The following TRIM5 variants were observed in gnomAD, a reference collection of about 807,000 sequenced individuals.
The protein encoded by TRIM5 is tripartite motif-containing protein 5.
Under a neutral mutation model 35.6 loss-of-function variants are expected in TRIM5, and 31 were observed. That is an observed-to-expected ratio of 0.87 (90% CI 0.65 to 1.18). The LOEUF (loss-of-function observed/expected upper bound fraction) is 1.18, where lower values mean the gene tolerates loss of function less well. Ranked by LOEUF, TRIM5 falls within the 50% of genes most tolerant of loss-of-function variation. The pLI is 0.00. For missense variants in TRIM5, 609 were observed against 591.6 expected, an observed-to-expected ratio of 1.03 and a Z score of -0.31; for synonymous variants, 243 against 215.6, an observed-to-expected ratio of 1.13 and a Z score of -1.11.
At chr11:5,661,907 G>C (rs1850841189), downstream of TRIM5, among the ~76,000 whole-genome samples, 1 of 152,212 alleles carries the variant, frequency 6.6e-6, no homozygotes, top group Non-Finnish European at 1.5e-5. Context: ...TTGTGTAACT[G>C]GGTACTTCAT....
chr11:5,643,897 A>G, the TRIM5 span: 4 of 773,090 alleles, frequency 5.2e-6, no homozygotes, highest in South Asian at 9.2e-5. Context: ...TCTTTTTCAT[A>G]TTTTCAGAGA....
chr11:5,641,458 C>G, the TRIM5 span, among the ~76,000 whole-genome samples: 1 of 152,154 alleles, frequency 6.6e-6, no homozygotes, highest in African/African-American at 2.4e-5. Flanking sequence ...TGTCAGACTT[C>G]GGTGACTTCA....
chr11:5,599,428 G>T, the TRIM5 span, among the ~76,000 whole-genome samples: 1 of 119,988 alleles, frequency 8.3e-6, no homozygotes, highest in Non-Finnish European at 1.8e-5. Context: ...TTTTGAGACG[G>T]AGTCTCGCTC....
intron 1 of TRIM5, among the ~76,000 whole-genome samples, chr11:5,683,623 T>C (rs1852732224): frequency 6.6e-6 from 1 of 152,200 alleles, no homozygotes; most frequent in Non-Finnish European, 1.5e-5. Context: ...GGTTTGTGAA[T>C]GCACCAATCG....
chr11:5,665,295 T>A lies in TRIM5; in HGVS notation c.996A>T (p.Arg332=), dbSNP rs772253128. ...SPKPQIIYGA[R]GTRYQTFVNF... ...TCACAAATGTCTGGTATCTTGTCCCTCGTGCCCCATATATTATCTGTGGTT... is the reference window on the plus strand; with the variant it reads ...TCACAAATGTCTGGTATCTTGTCCCACGTGCCCCATATATTATCTGTGGTT... Residue 332 remains arginine (R), a synonymous_variant, in exon 8 of 8, where the codon CGA becomes CGT. Coordinates refer to ENST00000380034, the MANE Select transcript of TRIM5 (RefSeq NM_033034.3). The A allele has an allele frequency of 6.8e-6, 11 of 1,614,062 alleles. No individual in the cohort carries two copies. In the South Asian group the frequency reaches 1.1e-4, roughly 16 times the overall value.
chr11:5,670,729 G>C, intron 4 of TRIM5, among the ~76,000 whole-genome samples: 1 of 152,136 alleles, frequency 6.6e-6, no homozygotes, highest in East Asian at 1.9e-4. Context: ...TGCCTTGAGG[G>C]GATTGAACAT....
At chr11:5,666,170 G>A in intron 5 of TRIM5, 89 bp from the exon 6 acceptor site, 6 of 1,113,512 alleles carry the variant, frequency 5.4e-6, no homozygotes, top group Non-Finnish European at 6.5e-6. Flanking sequence ...TCAACCCATT[G>A]AGGCACTTGA....
the TRIM5 span, among the ~76,000 whole-genome samples, chr11:5,629,948 C>T: frequency 2.0e-5 from 3 of 152,250 alleles, no homozygotes; most frequent in South Asian, 2.1e-4. Flanking sequence ...CCTCGTGATC[C>T]GCCTGCCTCG....
At chr11:5,595,929 C>T in the TRIM5 span, among the ~76,000 whole-genome samples, 1 of 152,148 alleles carries the variant, frequency 6.6e-6, no homozygotes, top group Non-Finnish European at 1.5e-5. Context: ...TATCCGCCCG[C>T]CTCGGCCTCC....
At chr11:5,596,705 G>A in the TRIM5 span, 9 of 811,308 alleles carry the variant, frequency 1.1e-5, no homozygotes, top group Admixed American at 2.1e-4. Context: ...ACGGCCAAAG[G>A]CTGGCGGAGG....
chr11:5,596,662 C>T, the TRIM5 span: 5 of 548,120 alleles, frequency 9.1e-6, no homozygotes, highest in South Asian at 9.2e-5. Context: ...ATGAGCCTTC[C>T]GCAAACTCCT....
chr11:5,679,452 C>A (rs1417884099), intron 2 of TRIM5, among the ~76,000 whole-genome samples: 2 of 152,124 alleles, frequency 1.3e-5, no homozygotes, highest in Non-Finnish European at 2.9e-5. Context: ...TACATCTCAA[C>A]CCACTCCTGT....
chr11:5,599,034 A>G, the TRIM5 span, among the ~76,000 whole-genome samples: 1 of 152,148 alleles, frequency 6.6e-6, no homozygotes, highest in Non-Finnish European at 1.5e-5. Context: ...TCTCTTTTCT[A>G]GGATTTCACA....
chr11:5,664,536 C>A lies in TRIM5; in HGVS notation c.*273G>T. On this transcript the variant is annotated 3_prime_UTR_variant, in exon 8 of 8. Coordinates refer to ENST00000380034, the MANE Select transcript of TRIM5 (RefSeq NM_033034.3). ...TGATAAATATCTGGCAGAAGTAATA[C>A]CTAAATAGCGGTCTCATTTTATGAG... 1 of 1,139,588 alleles carries A rather than the reference C, an allele frequency of 8.8e-7. No individual in the cohort carries two copies. The highest frequency in any genetic ancestry group is 1.1e-6 in the Non-Finnish European group (1 of 927,406). The allele number at this position is 1,139,588 out of a possible 1,614,324, so 70.6% of individuals were successfully genotyped here.
the TRIM5 span, among the ~76,000 whole-genome samples, chr11:5,653,997 TTC>T: frequency 6.6e-6 from 1 of 152,112 alleles, no homozygotes; most frequent in Non-Finnish European, 1.5e-5. Context: ...CTTCTAACAT[TTC>T]TGTTTGGCTC....
the TRIM5 span, among the ~76,000 whole-genome samples, chr11:5,653,713 G>A: frequency 2.6e-5 from 4 of 151,788 alleles, no homozygotes; most frequent in South Asian, 4.2e-4. Flanking sequence ...GGCTGGTCTC[G>A]AACTCCTGAC....
chr11:5,672,690 A>T (rs1851666241), intron 4 of TRIM5, among the ~76,000 whole-genome samples: 1 of 152,232 alleles, frequency 6.6e-6, no homozygotes, highest in South Asian at 2.1e-4. Flanking sequence ...TAATAACTTC[A>T]AAAGACATTA....
chr11:5,592,969 A>C, the TRIM5 span, among the ~76,000 whole-genome samples: 1 of 151,772 alleles, frequency 6.6e-6, no homozygotes, highest in Non-Finnish European at 1.5e-5. Flanking sequence ...AATGAGAGGA[A>C]AGTAGGGAAA....
chr11:5,671,687 T>G (rs909332893), intron 4 of TRIM5, among the ~76,000 whole-genome samples: 5 of 151,996 alleles, frequency 3.3e-5, no homozygotes, highest in Admixed American at 1.3e-4. Flanking sequence ...ACATGTCAGA[T>G]GTCATAATGT....
Sources: gnomAD v4.1 joint callset for allele counts (sites outside exome capture counted in the v4.1 genomes callset) on GRCh38, gnomAD v4.1.1 for gene constraint, MANE v1.5 for transcripts, NCBI Gene and HGNC (gene_info 2026-07-23, HGNC 2026-07-21) for gene names.